Variants in SHC3 observed in about 807,000 individuals in gnomAD.
SHC3 encodes SHC-transforming protein 3.
In SHC3, 15 loss-of-function variants were observed where a neutral mutation model predicts 60.4. That is an observed-to-expected ratio of 0.25 (90% CI 0.17 to 0.38). The LOEUF (loss-of-function observed/expected upper bound fraction) is 0.38, where lower values mean the gene tolerates loss of function less well. Among genes scored for constraint, SHC3 ranks in the 10% least tolerant of loss-of-function variants. The probability of loss-of-function intolerance (pLI) is 1.00; values close to 1 mark genes in which losing one functional copy is unlikely to be tolerated. For synonymous variants in SHC3, 294 were observed against 325.9 expected (o/e 0.90, Z 1.05); for missense variants, 677 against 786.1 (o/e 0.86, Z 1.66).
chr9:89,084,868 G>C (rs1043813685), intron 2 of SHC3, among the ~76,000 whole-genome samples: 1 of 152,208 alleles, frequency 6.6e-6, no homozygotes, highest in Non-Finnish European at 1.5e-5. Flanking sequence ...CAAGAAGCTG[G>C]ACCACCAAGG....
intron 11 of SHC3, among the ~76,000 whole-genome samples, chr9:89,016,397 A>C (rs1826094627): frequency 6.6e-6 from 1 of 152,160 alleles, no homozygotes; most frequent in Non-Finnish European, 1.5e-5. Flanking sequence ...TGTATTATGG[A>C]TGGCTCTATG....
chr9:89,059,056 G>A lies in SHC3; in HGVS notation c.835+6473C>T, dbSNP rs532676341. Among the ~76,000 whole-genome samples, 250 of 147,948 alleles carry A rather than the reference G, an allele frequency of 1.7e-3. 1 individual carries two copies. The highest frequency in any genetic ancestry group is 1.2e-3 in the Non-Finnish European group (79 of 66,768). On this transcript the variant is annotated intron_variant, in intron 6 of 11. Coordinates refer to ENST00000375835, the MANE Select transcript of SHC3 (RefSeq NM_016848.6). ...CGTGGTGGAGGATGTGGTGGAGGGCGGTGGTGGAGGACGTGGTAAAGGACG... is the reference window on the plus strand; with the variant it reads ...CGTGGTGGAGGATGTGGTGGAGGGCAGTGGTGGAGGACGTGGTAAAGGACG...
chr9:89,153,077 T>C (rs1413258629), intron 1 of SHC3, among the ~76,000 whole-genome samples: 2 of 152,198 alleles, frequency 1.3e-5, no homozygotes, highest in African/African-American at 4.8e-5. Flanking sequence ...TGTATAAATA[T>C]GTGCTCGTTG....
intron 2 of SHC3, among the ~76,000 whole-genome samples, chr9:89,111,789 T>C (rs1040125037): frequency 2.0e-5 from 3 of 152,178 alleles, no homozygotes; most frequent in Non-Finnish European, 4.4e-5. Context: ...CAAGTAAATA[T>C]GAGGCATTTT....
At chr9:89,125,482 G>C (rs1453118898) in intron 1 of SHC3, among the ~76,000 whole-genome samples, 1 of 152,042 alleles carries the variant, frequency 6.6e-6, no homozygotes, top group African/African-American at 2.4e-5. Context: ...CATATTGTCA[G>C]AGGCGTTTGA....
rs561282140 is a variant in SHC3 at position 89,068,208 on chromosome 9, C to G, written c.784-2628G>C. 3.3e-5 allele frequency among the ~76,000 whole-genome samples: 5 copies of G among 152,188 alleles called. 1 individual carries two copies. Among genetic ancestry groups the G allele is most frequent in the Non-Finnish European group, 7.3e-5 (5 of 68,040 alleles). On this transcript the variant is annotated intron_variant, in intron 5 of 11. Coordinates refer to ENST00000375835, the MANE Select transcript of SHC3 (RefSeq NM_016848.6). ...TATACCTGTTCCCACTCCCCAAGAC[C>G]CCCTGTGCCTGGCCATTGTTCTGGC... is the stretch of plus-strand genomic sequence containing the variant.
intron 2 of SHC3, among the ~76,000 whole-genome samples, chr9:89,108,789 G>A (rs919657701): frequency 5.9e-5 from 9 of 152,174 alleles, no homozygotes; most frequent in Non-Finnish European, 2.9e-5. Context: ...TTGCAAAAAT[G>A]AGAAAGTCGC....
chr9:89,084,151 A>G (rs1825490374), intron 2 of SHC3, among the ~76,000 whole-genome samples: 1 of 152,222 alleles, frequency 6.6e-6, no homozygotes, highest in Non-Finnish European at 1.5e-5. Context: ...CAAAAGAGCC[A>G]TGGATTTCAG....
intron 1 of SHC3, among the ~76,000 whole-genome samples, chr9:89,148,847 G>C (rs891371756): frequency 6.6e-6 from 1 of 152,308 alleles, no homozygotes; most frequent in Admixed American, 6.5e-5. Context: ...ACAGATTTAT[G>C]AAAGGCATAC....
intron 1 of SHC3, among the ~76,000 whole-genome samples, chr9:89,168,540 T>C (rs1716475422): frequency 6.6e-6 from 1 of 152,210 alleles, no homozygotes; most frequent in Non-Finnish European, 1.5e-5. Flanking sequence ...CAAGTTTATT[T>C]GATCATTCCT....
At chr9:89,019,429 G>T (rs1032602354) in intron 11 of SHC3, among the ~76,000 whole-genome samples, 1 of 151,138 alleles carries the variant, frequency 6.6e-6, no homozygotes. Context: ...AGATAGAAAA[G>T]AAAAAAAAGG....
At position 89,074,517 on chromosome 9, in the gene SHC3, T is replaced by C. The variant is rs182016594; in HGVS notation, c.729+592A>G. Among the ~76,000 whole-genome samples, 659 of 152,122 alleles carry C rather than the reference T, an allele frequency of 4.3e-3. 3 individuals carry two copies. Among genetic ancestry groups the C allele is most frequent in the Admixed American group, 6.7e-3 (103 of 15,282 alleles). On this transcript the variant is annotated intron_variant, in intron 4 of 11. Coordinates refer to ENST00000375835, the MANE Select transcript of SHC3 (RefSeq NM_016848.6). ...TCAGAGAAATCTAAAAGATAGACAT[T>C]GTGCAGGAACGCAACCATCCTCAAT...
rs752495719 is a variant in SHC3, at chr9:89,141,289, G to A, written c.475-28663C>T. ...AGTTTGCTGGGCTGTCTTGAACAGC[G>A]AGCTTGTGGAGTCCCAGGGCTGTGT... is the stretch of plus-strand genomic sequence containing the variant. On this transcript the variant is annotated intron_variant, in intron 1 of 11. Coordinates refer to ENST00000375835, the MANE Select transcript of SHC3 (RefSeq NM_016848.6). 4.3e-4 allele frequency among the ~76,000 whole-genome samples: 65 copies of A among 152,316 alleles called. 1 individual carries two copies. The Middle Eastern group carries it at 0.017, about 40-fold the overall frequency.
Position 89,075,524 on chromosome 9 carries a change from T to G in SHC3, c.610-296A>C, listed in dbSNP as rs181812326. Among the ~76,000 whole-genome samples, 4 of 152,326 alleles carry G rather than the reference T, an allele frequency of 2.6e-5. No individual in the cohort carries two copies. In the East Asian group the frequency reaches 7.7e-4, roughly 29 times the overall value. Reference sequence around the variant, plus strand: ...CCTTTTCTCTGGCCCTGTTGGGAAGTGTCTCATGGAGAAGTCCTCATATGT... The same window carrying G: ...CCTTTTCTCTGGCCCTGTTGGGAAGGGTCTCATGGAGAAGTCCTCATATGT... On this transcript the variant is annotated intron_variant, in intron 3 of 11. Transcript: ENST00000375835.
chr9:89,060,702 C>A (rs765286686), intron 6 of SHC3, among the ~76,000 whole-genome samples: 1 of 152,020 alleles, frequency 6.6e-6, no homozygotes, highest in Non-Finnish European at 1.5e-5. Flanking sequence ...AGAGAAGGAA[C>A]AAGATTGCAT....
chr9:89,096,522 A>G (rs1825703965), intron 2 of SHC3, among the ~76,000 whole-genome samples: 1 of 152,254 alleles, frequency 6.6e-6, no homozygotes, highest in Non-Finnish European at 1.5e-5. Context: ...AATGAAGGGC[A>G]CGAGATTTTT....
intron 6 of SHC3, among the ~76,000 whole-genome samples, chr9:89,056,936 C>A (rs1824962236): frequency 6.6e-6 from 1 of 152,270 alleles, no homozygotes; most frequent in African/African-American, 2.4e-5. Flanking sequence ...CCCAGCCTCA[C>A]ACTTCATGGG....
At chr9:89,107,578 T>G (rs949126201) in intron 2 of SHC3, among the ~76,000 whole-genome samples, 10 of 152,238 alleles carry the variant, frequency 6.6e-5, no homozygotes, top group Non-Finnish European at 1.0e-4. Context: ...CATCAACCCC[T>G]TCCTGCCAGG....
chr9:89,132,982 C>A (rs540094607), intron 1 of SHC3, among the ~76,000 whole-genome samples: 32 of 152,080 alleles, frequency 2.1e-4, no homozygotes, highest in African/African-American at 6.5e-4. Context: ...AACCTACAGA[C>A]TGGGAGAAAA....
Sources: allele counts gnomAD v4.1 joint callset (sites outside exome capture counted in the v4.1 genomes callset), GRCh38; gene constraint gnomAD v4.1.1; transcripts MANE v1.5; gene names NCBI Gene and HGNC (gene_info 2026-07-23, HGNC 2026-07-21).